The following TRPC4 variants were observed in gnomAD, a reference collection of about 807,000 sequenced individuals.
TRPC4 encodes the protein short transient receptor potential channel 4.
A neutral mutation model predicts 99.4 loss-of-function variants in TRPC4; 49 were observed. The observed-to-expected ratio is 0.49, with a 90% CI of 0.39 to 0.63. The LOEUF is 0.63. Among genes scored for constraint, TRPC4 ranks in the 20% least tolerant of loss-of-function variants. The pLI is 0.00. For synonymous variants in TRPC4, 454 were observed against 425.9 expected, an observed-to-expected ratio of 1.07 and a Z score of -0.81; for missense variants, 898 against 1,152.9, an observed-to-expected ratio of 0.78 and a Z score of 3.20.
Position 37,644,456 on chromosome 13 carries a change from C to T in TRPC4, c.2080-5157G>A, listed in dbSNP as rs192046167. On this transcript the variant is annotated intron_variant, in intron 8 of 10. Transcript: ENST00000379705. ...ACTTTGACAGAGTAATCTGCATTAA[C>T]TGTGTTTTTTAATTTTACTAAAAAT... Among the ~76,000 whole-genome samples, 106 of 152,198 alleles carry T rather than the reference C, an allele frequency of 7.0e-4. 1 individual carries two copies. The highest frequency in any genetic ancestry group is 3.4e-3 in the Middle Eastern group (1 of 294).
intron 3 of TRPC4, among the ~76,000 whole-genome samples, chr13:37,701,366 A>G (rs746095903): frequency 7.1e-4 from 108 of 152,068 alleles, no homozygotes; most frequent in Admixed American, 1.9e-3. Flanking sequence ...CCATCTCTCC[A>G]GCTCCTCTGC....
At chr13:37,832,550 A>G (rs1048165839) in intron 1 of TRPC4, among the ~76,000 whole-genome samples, 3 of 152,126 alleles carry the variant, frequency 2.0e-5, no homozygotes, top group African/African-American at 7.2e-5. Flanking sequence ...AACAACAACA[A>G]CAACAACAAA....
chr13:37,783,334 G>A lies in TRPC4; in HGVS notation c.-1C>T, dbSNP rs3904512. 0.43 allele frequency: 662,529 copies of A among 1,536,498 alleles called. 144,813 individuals carry two copies. The highest frequency in any genetic ancestry group is 0.45 in the Middle Eastern group (2,530 of 5,680). On this transcript the variant is annotated 5_prime_UTR_variant, in exon 2 of 11. Transcript: ENST00000379705. ...TTCTTTTGTAATAGAACTGAGCCATGTTTCATGCCATGCTATTTCTTCGTC... is the reference window on the plus strand; with the variant it reads ...TTCTTTTGTAATAGAACTGAGCCATATTTCATGCCATGCTATTTCTTCGTC...
At chr13:37,782,899 A>T in intron 2 of TRPC4, 57 bp downstream of exon 2, 1 of 1,410,052 alleles carries the variant, frequency 7.1e-7, no homozygotes, top group East Asian at 2.4e-5. Context: ...AAAGAAAAGA[A>T]AAAACAAAAA....
intron 1 of TRPC4, among the ~76,000 whole-genome samples, chr13:37,792,665 C>T (rs1023941075): frequency 6.6e-6 from 1 of 151,446 alleles, no homozygotes; most frequent in African/African-American, 2.4e-5. Context: ...AAAATATGTT[C>T]AGTGTTTCCC....
intron 3 of TRPC4, among the ~76,000 whole-genome samples, chr13:37,716,126 C>A (rs1954655694): frequency 6.6e-6 from 1 of 151,976 alleles, no homozygotes; most frequent in Admixed American, 6.6e-5. Context: ...CTCCTTGCTG[C>A]AAATCAAAAG....
At position 37,636,998 on chromosome 13, in the gene TRPC4, C is replaced by T. The variant is rs1421569018; in HGVS notation, c.2839G>A (p.Glu947Lys). The change falls in exon 11 of 11, where the codon GAG (glutamate) becomes AAG (lysine). Residue 947 changes from glutamate to lysine, a missense_variant. Physicochemically the swap from Glu to Lys is moderately conservative, Grantham distance 56. Coordinates refer to ENST00000379705, the MANE Select transcript of TRPC4 (RefSeq NM_016179.4). ...VEDTVPIIPKEKHAKEEDSSI... is the reference protein window; with the variant it reads ...VEDTVPIIPKKKHAKEEDSSI... Reference sequence around the variant, plus strand: ...GAGTCCTCTTCTTTTGCATGTTTCTCCTTTGGTATTATAGGAACCGTGTCC... The same window carrying T: ...GAGTCCTCTTCTTTTGCATGTTTCTTCTTTGGTATTATAGGAACCGTGTCC... 6.2e-7 allele frequency: 1 copy of T among 1,613,724 alleles called. No individual in the cohort carries two copies. The highest frequency in any genetic ancestry group is 1.1e-5 in the South Asian group (1 of 91,062).
chr13:37,831,215 A>G (rs774508858), intron 1 of TRPC4, among the ~76,000 whole-genome samples: 2 of 152,162 alleles, frequency 1.3e-5, no homozygotes, highest in Non-Finnish European at 2.9e-5. Context: ...CCTAATAAAA[A>G]TTGGGCAAAA....
At chr13:37,804,227 T>C (rs9566255) in intron 1 of TRPC4, among the ~76,000 whole-genome samples, 43,931 of 152,006 alleles carry the variant, frequency 0.29, 6,574 homozygotes, top group East Asian at 0.43. Context: ...CACACTGCCA[T>C]GTTCTTCGTC....
chr13:37,861,554 A>G lies in TRPC4; in HGVS notation c.-28+8041T>C, dbSNP rs143400929. Among the ~76,000 whole-genome samples, 639 of 151,726 alleles carry G rather than the reference A, an allele frequency of 4.2e-3. 6 individuals carry two copies. The highest frequency in any genetic ancestry group is 0.014 in the African/African-American group (593 of 41,520). ...AATTGTTGACATTTTTATATGATGG[A>G]AAAATATTTATCATAAATACTGTTA... On this transcript the variant is annotated intron_variant, in intron 1 of 10. Transcript: ENST00000379705.
intron 1 of TRPC4, among the ~76,000 whole-genome samples, chr13:37,814,492 T>C (rs2139494681): frequency 6.6e-6 from 1 of 151,830 alleles, no homozygotes; most frequent in Non-Finnish European, 1.5e-5. Flanking sequence ...GAACATAAAA[T>C]TAATTATATG....
intron 8 of TRPC4, among the ~76,000 whole-genome samples, chr13:37,648,872 C>T (rs1314140662): frequency 6.6e-6 from 1 of 152,166 alleles, no homozygotes; most frequent in Non-Finnish European, 1.5e-5. Flanking sequence ...GTTGGCAGTA[C>T]AGATGGATCT....
intron 5 of TRPC4, 110 bp downstream of exon 5, chr13:37,674,118 G>A (rs931155059): frequency 1.3e-5 from 13 of 1,036,884 alleles, no homozygotes; most frequent in Non-Finnish European, 1.7e-5. Flanking sequence ...TGATGAATAC[G>A]ACATCCGGAA....
chr13:37,742,609 G>A (rs910850878), intron 3 of TRPC4, among the ~76,000 whole-genome samples: 5 of 152,284 alleles, frequency 3.3e-5, no homozygotes, highest in East Asian at 1.9e-4. Context: ...GAGACAAGAC[G>A]TGAGATGACC....
chr13:37,783,146 A>T lies in TRPC4; in HGVS notation c.188T>A (p.Ile63Asn). 6.2e-7 allele frequency: 1 copy of T among 1,613,508 alleles called. No individual in the cohort carries two copies. ...TCTTCCGAGAGGATCAATGCAATTA[A>T]TATTGATTTTAAAATAAATTTCAGC... The part of the protein sequence containing the change: ...EEAEIYFKIN[I>N]NCIDPLGRTA... The change falls in exon 2 of 11, where the codon ATT (isoleucine) becomes AAT (asparagine). Residue 63 changes from isoleucine (I) to asparagine (N), a missense_variant. Physicochemically the swap from Ile to Asn is moderately radical, Grantham distance 149 (BLOSUM62 -3). Around this residue, in one of 3 missense-constraint regions of TRPC4, gnomAD observed 278 missense variants for 346.6 expected, o/e 0.80. Coordinates refer to ENST00000379705, the MANE Select transcript of TRPC4 (RefSeq NM_016179.4).
chr13:37,645,115 C>G (rs564738537), intron 8 of TRPC4, among the ~76,000 whole-genome samples: 7 of 151,880 alleles, frequency 4.6e-5, no homozygotes, highest in Non-Finnish European at 8.8e-5. Context: ...TGGAATATTC[C>G]TTGGCAAAGT....
intron 1 of TRPC4, among the ~76,000 whole-genome samples, chr13:37,853,530 A>C (rs1227406279): frequency 6.6e-6 from 1 of 152,152 alleles, no homozygotes; most frequent in Non-Finnish European, 1.5e-5. Flanking sequence ...AACACCTATA[A>C]GCATCAAGAA....
intron 1 of TRPC4, among the ~76,000 whole-genome samples, chr13:37,819,095 T>C (rs968812824): frequency 2.0e-5 from 3 of 151,968 alleles, no homozygotes; most frequent in African/African-American, 7.2e-5. Context: ...ATATCACTGA[T>C]CATTAGAGAC....
chr13:37,817,615 C>T (rs1375162113), intron 1 of TRPC4, among the ~76,000 whole-genome samples: 1 of 151,974 alleles, frequency 6.6e-6, no homozygotes, highest in Non-Finnish European at 1.5e-5. Context: ...CAGGAGGCAT[C>T]ATGCTACCTA....
Sources: allele counts gnomAD v4.1 joint callset (sites outside exome capture counted in the v4.1 genomes callset), GRCh38; gene constraint gnomAD v4.1.1; regional missense constraint gnomAD v4.1.1; transcripts MANE v1.5; gene names NCBI Gene and HGNC (gene_info 2026-07-23, HGNC 2026-07-21).